The following LCLAT1 variants were observed in gnomAD, a reference collection of about 807,000 sequenced individuals.
LCLAT1 encodes the protein 1-AGP acyltransferase 8.
A neutral mutation model predicts 30.7 loss-of-function variants in LCLAT1; 11 were observed. The ratio of observed to expected loss-of-function variants is 0.36; its 90% CI spans 0.23 to 0.59. LCLAT1 has a LOEUF of 0.59. LCLAT1 is among the 20% of genes least tolerant of loss of function. LCLAT1 has a pLI of 0.77. For missense variants in LCLAT1, 402 were observed against 458.6 expected (o/e 0.88, Z 1.13); for synonymous variants, 155 against 151.3 (o/e 1.02, Z -0.18).
rs145446022 is a variant in LCLAT1 at position 30,573,868 on chromosome 2, G to A, written c.628+5692G>A. 5.5e-4 allele frequency among the ~76,000 whole-genome samples: 83 copies of A among 152,244 alleles called. 1 individual carries two copies. In the East Asian group the frequency reaches 0.014, roughly 26 times the overall value. ...TGAGCCTATCAACTAATTGGTCAAT[G>A]TAATTTTATACCGTGTTCCAATAAA... is the stretch of plus-strand genomic sequence containing the variant. On this transcript the variant is annotated intron_variant, in intron 5 of 5. Transcript: ENST00000379509.
chr2:30,447,816 C>T (rs1346195673), intron 1 of LCLAT1, among the ~76,000 whole-genome samples: 2 of 152,244 alleles, frequency 1.3e-5, no homozygotes, highest in Non-Finnish European at 2.9e-5. Flanking sequence ...ACTAAAACGT[C>T]TCAAGTGGTC....
chr2:30,477,855 C>A (rs1683125402), intron 1 of LCLAT1, among the ~76,000 whole-genome samples: 1 of 151,986 alleles, frequency 6.6e-6, no homozygotes, highest in Admixed American at 6.6e-5. Flanking sequence ...TGACTCTGTG[C>A]CCGTTTTGGT....
intron 1 of LCLAT1, among the ~76,000 whole-genome samples, chr2:30,516,991 T>C (rs1477560544): frequency 1.3e-5 from 2 of 152,176 alleles, no homozygotes; most frequent in Non-Finnish European, 2.9e-5. Flanking sequence ...AGCAGAAAAC[T>C]GTCATCCTGA....
At chr2:30,551,089 C>A (rs1011461741) in intron 3 of LCLAT1, among the ~76,000 whole-genome samples, 1 of 152,200 alleles carries the variant, frequency 6.6e-6, no homozygotes, top group Non-Finnish European at 1.5e-5. Flanking sequence ...AGCAATCCTT[C>A]CGCCTCAGCC....
At chr2:30,534,648 C>G (rs1243537064) in intron 3 of LCLAT1, among the ~76,000 whole-genome samples, 1 of 152,144 alleles carries the variant, frequency 6.6e-6, no homozygotes, top group Admixed American at 6.5e-5. Flanking sequence ...ATATAGTGAT[C>G]TCAGATTTCT....
chr2:30,461,727 C>T lies in LCLAT1; in HGVS notation c.-5+14344C>T, dbSNP rs574149944. On this transcript the variant is annotated intron_variant, in intron 1 of 5. Coordinates refer to ENST00000379509, the MANE Select transcript of LCLAT1 (RefSeq NM_001002257.3). ...CTTCCTTGCTGTAGACATTATTACC[C>T]TCCTCTAATCTGGCTGCTGTGGACC... Among the ~76,000 whole-genome samples the T allele has an allele frequency of 4.6e-5, 7 of 151,724 alleles. No homozygotes were observed. The South Asian group carries it at 6.3e-4, about 14-fold the overall frequency.
intron 3 of LCLAT1, among the ~76,000 whole-genome samples, chr2:30,538,090 C>T (rs886159818): frequency 6.6e-6 from 1 of 151,744 alleles, no homozygotes; most frequent in East Asian, 1.9e-4. Context: ...GTAGTAAGAG[C>T]GCAGCTTATA....
chr2:30,529,765 A>C (rs888815021), intron 2 of LCLAT1, among the ~76,000 whole-genome samples: 1 of 152,202 alleles, frequency 6.6e-6, no homozygotes, highest in Non-Finnish European at 1.5e-5. Flanking sequence ...ATTTTTGTCT[A>C]CACTGTTGCT....
At chr2:30,557,417 A>ATT (rs778342698) in intron 3 of LCLAT1, among the ~76,000 whole-genome samples, 5 of 140,754 alleles carry the variant, frequency 3.6e-5, no homozygotes, top group Non-Finnish European at 6.2e-5. Context: ...ATTCACATCA[A>ATT]TTTTTTTTTT....
At chr2:30,572,218 T>C (rs1193482371) in intron 5 of LCLAT1, among the ~76,000 whole-genome samples, 2 of 152,190 alleles carry the variant, frequency 1.3e-5, no homozygotes, top group Admixed American at 6.5e-5. Flanking sequence ...GAGCTGCTCA[T>C]TTAGGACAGA....
At chr2:30,548,331 A>G (rs1045154248) in intron 3 of LCLAT1, among the ~76,000 whole-genome samples, 9 of 152,180 alleles carry the variant, frequency 5.9e-5, no homozygotes, top group African/African-American at 2.2e-4. Flanking sequence ...TGGTCGGGGT[A>G]CAGCTTGGGT....
chr2:30,524,609 G>A (rs773035197), intron 1 of LCLAT1, among the ~76,000 whole-genome samples: 2 of 152,264 alleles, frequency 1.3e-5, no homozygotes, highest in Middle Eastern at 3.4e-3. Flanking sequence ...TCGCATCCAG[G>A]ACGTGAATTA....
chr2:30,543,491 G>C (rs758698561), intron 3 of LCLAT1, among the ~76,000 whole-genome samples: 1 of 152,090 alleles, frequency 6.6e-6, no homozygotes, highest in African/African-American at 2.4e-5. Context: ...TTAAGAGTTT[G>C]TATAGGACTG....
At chr2:30,597,926 A>T (rs186844607) in intron 5 of LCLAT1, among the ~76,000 whole-genome samples, 49 of 152,272 alleles carry the variant, frequency 3.2e-4, no homozygotes, top group Middle Eastern at 6.8e-3. Context: ...AGTTCTGTTT[A>T]TGTGATGAAT....
chr2:30,605,928 A>C (rs1161162880), intron 5 of LCLAT1: 1 of 967,578 alleles, frequency 1.0e-6, no homozygotes. Flanking sequence ...AGGAGCGCGC[A>C]ACCTAGATCC....
chr2:30,455,182 G>A (rs1321199592), intron 1 of LCLAT1, among the ~76,000 whole-genome samples: 1 of 152,050 alleles, frequency 6.6e-6, no homozygotes, highest in Non-Finnish European at 1.5e-5. Flanking sequence ...AAAAAATTTA[G>A]GAGTGTTACG....
chr2:30,567,294 C>T (rs1665532582), intron 4 of LCLAT1, among the ~76,000 whole-genome samples: 2 of 152,014 alleles, frequency 1.3e-5, no homozygotes, highest in African/African-American at 4.8e-5. Context: ...GTATAAAAAT[C>T]GATTTATGCC....
chr2:30,485,298 T>C (rs921321357), intron 1 of LCLAT1, among the ~76,000 whole-genome samples: 3 of 152,160 alleles, frequency 2.0e-5, no homozygotes, highest in African/African-American at 7.2e-5. Flanking sequence ...CATGACGTAT[T>C]TGGAACTTAA....
In LCLAT1 at chr2:30,516,889, C is replaced by T. The variant is rs1299731539; in HGVS notation, c.-4-8698C>T. 5.9e-5 allele frequency among the ~76,000 whole-genome samples: 9 copies of T among 152,184 alleles called. No individual in the cohort carries two copies. In the East Asian group the frequency reaches 7.7e-4, roughly 13 times the overall value. On this transcript the variant is annotated intron_variant, in intron 1 of 5. Transcript: ENST00000379509. ...AGGTGTGAGGCTTTCTGGGAAAAGG[C>T]GAACAGCCCCCATCTGAGTTGGGAG...
Sources: allele counts gnomAD v4.1 joint callset (sites outside exome capture counted in the v4.1 genomes callset), GRCh38; gene constraint gnomAD v4.1.1; transcripts MANE v1.5; gene names NCBI Gene and HGNC (gene_info 2026-07-23, HGNC 2026-07-21).